Variants in CNGA3 observed in about 807,000 individuals in gnomAD.
The protein encoded by CNGA3 is cyclic nucleotide-gated channel alpha-3.
CNGA3 carries 42 observed loss-of-function variants against 46.6 expected under a neutral mutation model. The ratio of observed to expected loss-of-function variants is 0.90; its 90% CI spans 0.70 to 1.17. CNGA3 has a LOEUF of 1.17. Ranked by LOEUF, CNGA3 falls within the 50% of genes most tolerant of loss-of-function variation. The probability of loss-of-function intolerance (pLI) is 0.00; values close to 1 mark genes in which losing one functional copy is unlikely to be tolerated. For synonymous variants in CNGA3, 394 were observed against 369.4 expected (o/e 1.07, Z -0.76); for missense variants, 893 against 890.7 (o/e 1.00, Z -0.03).
intron 1 of CNGA3, among the ~76,000 whole-genome samples, chr2:98,367,167 G>GTTTAGTTTCTGTTTTTTTTTT (rs751611132): frequency 9.8e-6 from 1 of 101,588 alleles, no homozygotes; most frequent in Non-Finnish European, 2.2e-5. Context: ...GACATCAGCT[G>GTTTAGTTTCTGTTTTTTTTTT]TTTTTTTTCT....
At chr2:98,388,186 C>A (rs1235878621) in intron 5 of CNGA3, among the ~76,000 whole-genome samples, 2 of 152,240 alleles carry the variant, frequency 1.3e-5, no homozygotes, top group Non-Finnish European at 2.9e-5. Context: ...CGCCCTCTCT[C>A]CGGGACGCAG....
intron 6 of CNGA3, among the ~76,000 whole-genome samples, chr2:98,391,615 G>A (rs1431057738): frequency 6.6e-6 from 1 of 152,188 alleles, no homozygotes; most frequent in Non-Finnish European, 1.5e-5. Flanking sequence ...CTGCTGAGAG[G>A]CAATGGGGCC....
chr2:98,379,937 A>C, intron 3 of CNGA3: 1 of 586,818 alleles, frequency 1.7e-6, no homozygotes, highest in Non-Finnish European at 3.0e-6. Flanking sequence ...TTTCCGGGGA[A>C]GCCTGCCCCT....
intron 1 of CNGA3, among the ~76,000 whole-genome samples, chr2:98,367,570 T>C (rs955572507): frequency 1.1e-4 from 16 of 152,150 alleles, no homozygotes; most frequent in Non-Finnish European, 1.9e-4. Context: ...TTTCTTATGT[T>C]GGTCCTAAAG....
intron 2 of CNGA3, among the ~76,000 whole-genome samples, chr2:98,375,924 T>C (rs1558810794): frequency 6.6e-6 from 1 of 152,032 alleles, no homozygotes; most frequent in Admixed American, 6.6e-5. Flanking sequence ...TCTTACAGGG[T>C]TGTTGTGTGG....
intron 1 of CNGA3, among the ~76,000 whole-genome samples, chr2:98,359,165 G>A (rs1691963673): frequency 6.6e-6 from 1 of 152,238 alleles, no homozygotes; most frequent in African/African-American, 2.4e-5. Flanking sequence ...CAGGTAGAAA[G>A]TGTCTCAGAG....
rs1692595605 is a variant in CNGA3 at position 98,384,003 on chromosome 2, CAGCTTCCCGAGT to C, written c.449+567_449+578del. 4.6e-5 allele frequency among the ~76,000 whole-genome samples: 7 copies of C among 152,290 alleles called. No homozygotes were observed. In the South Asian group the frequency reaches 1.5e-3, roughly 32 times the overall value. ...CCGGGTTCACGCCATTCTCCTGCTT[CAGCTTCCCGAGT>C]AGCTGGGACTACAGGCGCCCGCCAC... is the stretch of plus-strand genomic sequence containing the variant. On this transcript the variant is annotated intron_variant, in intron 5 of 7. Coordinates refer to ENST00000272602, the MANE Select transcript of CNGA3 (RefSeq NM_001298.3).
chr2:98,347,342 A>C (rs1691657096), intron 1 of CNGA3, among the ~76,000 whole-genome samples: 1 of 152,124 alleles, frequency 6.6e-6, no homozygotes, highest in South Asian at 2.1e-4. Context: ...CCCTAACCGG[A>C]TAAAGGCGCC....
At chr2:98,383,969 C>CT (rs1418454954) in intron 5 of CNGA3, among the ~76,000 whole-genome samples, 1 of 152,142 alleles carries the variant, frequency 6.6e-6, no homozygotes, top group Non-Finnish European at 1.5e-5. Flanking sequence ...TCGTTGCAAG[C>CT]TCCGCCTCCC....
chr2:98,363,244 G>A (rs1343945770), intron 1 of CNGA3, among the ~76,000 whole-genome samples: 1 of 152,188 alleles, frequency 6.6e-6, no homozygotes, highest in Non-Finnish European at 1.5e-5. Context: ...ACTTCGGGAA[G>A]TATGGCCATT....
Position 98,377,693 on chromosome 2 carries a change from C to T in CNGA3, c.108C>T (p.His36=), listed in dbSNP as rs1558811533. Residue 36 remains histidine, a synonymous_variant, in exon 3 of 8, where the codon CAC becomes CAT. Coordinates refer to ENST00000272602, the MANE Select transcript of CNGA3 (RefSeq NM_001298.3). Reference sequence around the variant, plus strand: ...TGCATATCTGATTTCCTAGAGCCCACTCGTCAAGTGAGGAGACATCGTCAG... The same window carrying T: ...TGCATATCTGATTTCCTAGAGCCCATTCGTCAAGTGAGGAGACATCGTCAG... ...NRAENGLSRA[H]SSSEETSSVL... 6.2e-7 allele frequency: 1 copy of T among 1,613,120 alleles called. No homozygotes were observed. The highest frequency in any genetic ancestry group is 2.2e-5 in the East Asian group (1 of 44,880).
chr2:98,395,584 T>A (rs1558819657), intron 7 of CNGA3, among the ~76,000 whole-genome samples: 2 of 152,256 alleles, frequency 1.3e-5, no homozygotes, highest in African/African-American at 4.8e-5. Context: ...TTTGTTATCA[T>A]GTAATACCCA....
chr2:98,361,740 C>G (rs1272069177), intron 1 of CNGA3, among the ~76,000 whole-genome samples: 3 of 137,664 alleles, frequency 2.2e-5, no homozygotes, highest in Non-Finnish European at 4.6e-5. Context: ...CAGAGTCTTG[C>G]TCTGTCGCCC....
Position 98,370,083 on chromosome 2 carries a change from TG to T in CNGA3, c.101+10del. 6.3e-7 allele frequency: 1 copy of T among 1,584,334 alleles called. No homozygotes were observed. Among genetic ancestry groups the T allele is most frequent in the Non-Finnish European group, 8.7e-7 (1 of 1,153,918 alleles). On this transcript the variant is annotated splice_region_variant and intron_variant, in intron 2 of 7. Coordinates refer to ENST00000272602, the MANE Select transcript of CNGA3 (RefSeq NM_001298.3). ...CTGAAAATGGCCTCAGCAGGTAAGA[TG>T]GGCTAAGATGGGCTTTTCATTTTAT...
chr2:98,394,634 T>C (rs1206567795), intron 7 of CNGA3, among the ~76,000 whole-genome samples: 3 of 152,198 alleles, frequency 2.0e-5, no homozygotes, highest in African/African-American at 7.2e-5. Context: ...TTGTTTGATT[T>C]TCCTGTTTTT....
At chr2:98,351,038 C>G (rs555931438) in intron 1 of CNGA3, 2 of 152,374 alleles carry the variant, frequency 1.3e-5, no homozygotes, top group South Asian at 4.1e-4. Flanking sequence ...CACAGCTCAA[C>G]CCTGAGCACA....
chr2:98,370,085 G>C lies in CNGA3; in HGVS notation c.101+9G>C. On this transcript the variant is annotated intron_variant, in intron 2 of 7. Transcript: ENST00000272602. ...GAAAATGGCCTCAGCAGGTAAGATG[G>C]GCTAAGATGGGCTTTTCATTTTATG... The C allele has an allele frequency of 6.3e-7, 1 of 1,585,740 alleles. No individual in the cohort carries two copies. The highest frequency in any genetic ancestry group is 8.7e-7 in the Non-Finnish European group (1 of 1,155,132).
intron 4 of CNGA3, among the ~76,000 whole-genome samples, chr2:98,380,721 C>T (rs536688005): frequency 1.3e-5 from 2 of 152,212 alleles, no homozygotes; most frequent in African/African-American, 2.4e-5. Context: ...CTAGACTCCA[C>T]TATGACCCAT....
Position 98,370,948 on chromosome 2 carries a change from T to C in CNGA3, c.101+872T>C, listed in dbSNP as rs1229330324. Among the ~76,000 whole-genome samples the C allele has an allele frequency of 3.9e-5, 6 of 152,100 alleles. No homozygotes were observed. The South Asian group carries it at 1.2e-3, about 32-fold the overall frequency. On this transcript the variant is annotated intron_variant, in intron 2 of 7. Coordinates refer to ENST00000272602, the MANE Select transcript of CNGA3 (RefSeq NM_001298.3). ...CAAGTGATTCTCCTGCCTCAGCCTC[T>C]CTAGTAGCTGGAATTACAGGCACCC... is the stretch of plus-strand genomic sequence containing the variant.
Sources: allele counts gnomAD v4.1 joint callset (sites outside exome capture counted in the v4.1 genomes callset), GRCh38; gene constraint gnomAD v4.1.1; transcripts MANE v1.5; gene names NCBI Gene and HGNC (gene_info 2026-07-23, HGNC 2026-07-21).